The following CAST variants were observed in gnomAD, a reference collection of about 807,000 sequenced individuals.
CAST encodes the protein calpastatin.
CAST carries 76 observed loss-of-function variants against 119.6 expected under a neutral mutation model. The observed-to-expected ratio is 0.64, with a 90% CI of 0.53 to 0.77. The LOEUF (loss-of-function observed/expected upper bound fraction) is 0.77, where lower values mean the gene tolerates loss of function less well. CAST is among the 30% of genes least tolerant of loss of function. The probability of loss-of-function intolerance (pLI) is 0.00; values close to 1 mark genes in which losing one functional copy is unlikely to be tolerated. For missense variants in CAST, 953 were observed against 946.5 expected (o/e 1.01, Z -0.09); for synonymous variants, 319 against 331.6 (o/e 0.96, Z 0.41).
chr5:96,461,414 C>G, the CAST span, among the ~76,000 whole-genome samples: 19 of 152,160 alleles, frequency 1.2e-4, 1 homozygote, highest in South Asian at 3.3e-3. Flanking sequence ...CTATATTTAA[C>G]TTTTTGAGGA....
At chr5:96,446,448 A>T in the CAST span, among the ~76,000 whole-genome samples, 1 of 152,154 alleles carries the variant, frequency 6.6e-6, no homozygotes, top group African/African-American at 2.4e-5. Context: ...CCCATCACTC[A>T]TATGTTTGTG....
At chr5:96,025,323 CAGGGAGAGG>C in the CAST span, among the ~76,000 whole-genome samples, 1 of 152,060 alleles carries the variant, frequency 6.6e-6, no homozygotes, top group African/African-American at 2.4e-5. Context: ...TGGTGGGAAG[CAGGGAGAGG>C]ATGCAAGTCC....
chr5:96,580,628 G>A (rs774171308), intron 1 of CAST, among the ~76,000 whole-genome samples: 3 of 152,180 alleles, frequency 2.0e-5, no homozygotes, highest in Admixed American at 1.3e-4. Context: ...GGCGATGTTG[G>A]TTATGTTGGT....
rs766388926 is a variant in CAST, at chr5:96,750,581, C to T, written c.1429-6C>T. On this transcript the variant is annotated splice_polypyrimidine_tract_variant and splice_region_variant and intron_variant, in intron 19 of 31. Transcript: ENST00000675179. The stretch of plus-strand genomic sequence containing the variant: ...ACTTATTGAGAGTACTTGTGTCTTT[C>T]CTCAGGAATCTAAGGCCGCTGCTCC... The T allele has an allele frequency of 6.9e-6, 11 of 1,601,140 alleles. No homozygotes were observed. The African/African-American group carries it at 1.2e-4, about 18-fold the overall frequency.
At chr5:96,267,179 A>C in the CAST span, among the ~76,000 whole-genome samples, 1 of 152,198 alleles carries the variant, frequency 6.6e-6, no homozygotes, top group Admixed American at 6.5e-5. Context: ...AAAGTATAGA[A>C]AATTGCCTCA....
At chr5:96,014,949 T>C in the CAST span, among the ~76,000 whole-genome samples, 2,356 of 152,264 alleles carry the variant, frequency 0.015, 52 homozygotes, top group African/African-American at 0.054. Context: ...CTCTAACACC[T>C]ATATACTGGG....
the CAST span, among the ~76,000 whole-genome samples, chr5:96,356,312 T>G: frequency 0.013 from 1,976 of 152,342 alleles, 45 homozygotes; most frequent in African/African-American, 0.045. Flanking sequence ...TAATTTCTTT[T>G]GCTGTGCGGA....
chr5:96,485,438 T>C, the CAST span, among the ~76,000 whole-genome samples: 1 of 152,206 alleles, frequency 6.6e-6, no homozygotes, highest in Admixed American at 6.5e-5. Flanking sequence ...TGCAATTTTA[T>C]TTTAAATATT....
chr5:96,013,900 C>G, the CAST span, among the ~76,000 whole-genome samples: 2,451 of 152,002 alleles, frequency 0.016, 31 homozygotes, highest in Non-Finnish European at 0.026. Context: ...ATGTGAAGGC[C>G]TAGGACATTA....
chr5:96,507,037 A>G, the CAST span, among the ~76,000 whole-genome samples: 1 of 152,240 alleles, frequency 6.6e-6, no homozygotes, highest in East Asian at 1.9e-4. Flanking sequence ...CACACAAATA[A>G]ATACATAATT....
chr5:96,276,707 A>G, the CAST span, among the ~76,000 whole-genome samples: 1 of 152,156 alleles, frequency 6.6e-6, no homozygotes, highest in Non-Finnish European at 1.5e-5. Flanking sequence ...CCTTTTGTCT[A>G]TTTGCTTCAG....
At chr5:96,077,464 A>T in the CAST span, among the ~76,000 whole-genome samples, 1 of 151,982 alleles carries the variant, frequency 6.6e-6, no homozygotes, top group East Asian at 1.9e-4. Flanking sequence ...TGTTTTTGCT[A>T]GTTGTATTTA....
chr5:96,499,593 A>C, the CAST span, among the ~76,000 whole-genome samples: 1 of 152,234 alleles, frequency 6.6e-6, no homozygotes, highest in African/African-American at 2.4e-5. Flanking sequence ...ATTTTTAAAA[A>C]TAAGACAACA....
the CAST span, among the ~76,000 whole-genome samples, chr5:96,373,810 A>G: frequency 2.0e-5 from 3 of 151,966 alleles, no homozygotes; most frequent in Non-Finnish European, 2.9e-5. Flanking sequence ...CAGTGGCACA[A>G]TCACAGCTCA....
At chr5:96,502,866 G>A in the CAST span, among the ~76,000 whole-genome samples, 1 of 152,110 alleles carries the variant, frequency 6.6e-6, no homozygotes, top group African/African-American at 2.4e-5. Flanking sequence ...TAATACAGAT[G>A]CCCTATAATT....
intron 3 of CAST, among the ~76,000 whole-genome samples, chr5:96,712,151 A>G (rs1756295757): frequency 6.6e-6 from 1 of 152,184 alleles, no homozygotes; most frequent in Non-Finnish European, 1.5e-5. Flanking sequence ...TATTCCACTG[A>G]ATTGTTATCT....
chr5:96,686,731 G>GA (rs1333605449), intron 2 of CAST, among the ~76,000 whole-genome samples: 1 of 152,146 alleles, frequency 6.6e-6, no homozygotes, highest in East Asian at 1.9e-4. Flanking sequence ...ATAAAGCAAT[G>GA]AAAAATGAAG....
At chr5:95,999,351 C>CAT in the CAST span, among the ~76,000 whole-genome samples, 6 of 151,880 alleles carry the variant, frequency 4.0e-5, no homozygotes, top group Admixed American at 6.6e-5. Context: ...TCAGTATATC[C>CAT]ATATATATAT....
the CAST span, among the ~76,000 whole-genome samples, chr5:96,374,250 C>A: frequency 6.6e-6 from 1 of 152,080 alleles, no homozygotes; most frequent in African/African-American, 2.4e-5. Flanking sequence ...CTCCCTCTTT[C>A]TTTATTTTAT....
Sources: allele counts gnomAD v4.1 joint callset (sites outside exome capture counted in the v4.1 genomes callset), GRCh38; gene constraint gnomAD v4.1.1; transcripts MANE v1.5; gene names NCBI Gene and HGNC (gene_info 2026-07-23, HGNC 2026-07-21).